Variants in RPS6KC1 observed in about 807,000 individuals in gnomAD.
RPS6KC1 encodes ribosomal protein S6 kinase C1.
Under a neutral mutation model 103.8 loss-of-function variants are expected in RPS6KC1, and 54 were observed. The observed-to-expected ratio is 0.52, with a 90% CI of 0.42 to 0.65. The LOEUF (loss-of-function observed/expected upper bound fraction) is 0.65. Ranked by LOEUF, RPS6KC1 falls within the 30% of genes least tolerant of loss-of-function variation. The pLI is 0.00. For missense variants in RPS6KC1, 1,151 were observed against 1,253.8 expected (o/e 0.92, Z 1.24); for synonymous variants, 439 against 438.7 (o/e 1.00, Z -0.01).
the RPS6KC1 span, among the ~76,000 whole-genome samples, chr1:213,740,600 C>G: frequency 6.6e-6 from 1 of 151,068 alleles, no homozygotes; most frequent in African/African-American, 2.4e-5. Context: ...TAAGGACAGC[C>G]TCATATATAT....
At chr1:213,848,235 C>A in the RPS6KC1 span, among the ~76,000 whole-genome samples, 1 of 152,128 alleles carries the variant, frequency 6.6e-6, no homozygotes, top group Non-Finnish European at 1.5e-5. Flanking sequence ...ATCACCACCA[C>A]AATCAAGATA....
At chr1:213,824,907 G>C in the RPS6KC1 span, among the ~76,000 whole-genome samples, 1 of 152,224 alleles carries the variant, frequency 6.6e-6, no homozygotes, top group Non-Finnish European at 1.5e-5. Flanking sequence ...AATCCTGGCA[G>C]TGGGACCAAC....
chr1:213,724,538 A>C, the RPS6KC1 span, among the ~76,000 whole-genome samples: 1 of 152,198 alleles, frequency 6.6e-6, no homozygotes, highest in Non-Finnish European at 1.5e-5. Flanking sequence ...GCCATGGTGG[A>C]GAAACACTCC....
the RPS6KC1 span, among the ~76,000 whole-genome samples, chr1:213,400,364 G>GTT: frequency 2.0e-5 from 3 of 152,148 alleles, no homozygotes; most frequent in African/African-American, 7.2e-5. Context: ...TCAATTTGTA[G>GTT]TTATATATAT....
chr1:213,506,241 A>T, the RPS6KC1 span, among the ~76,000 whole-genome samples: 4 of 152,218 alleles, frequency 2.6e-5, no homozygotes, highest in African/African-American at 7.2e-5. Context: ...ATTGGTAAGT[A>T]ACGAGATGAA....
chr1:213,758,237 C>T, the RPS6KC1 span, among the ~76,000 whole-genome samples: 1 of 152,118 alleles, frequency 6.6e-6, no homozygotes, highest in African/African-American at 2.4e-5. Flanking sequence ...ACAAAGTAAA[C>T]TGAAAATCCT....
At chr1:213,443,396 G>T in the RPS6KC1 span, among the ~76,000 whole-genome samples, 2 of 152,148 alleles carry the variant, frequency 1.3e-5, no homozygotes, top group African/African-American at 4.8e-5. Flanking sequence ...CCTTTGTAGG[G>T]TTGTACAGTG....
the RPS6KC1 span, among the ~76,000 whole-genome samples, chr1:213,513,927 GTGCATTGCCAAGTGCTGTCTCCA>G: frequency 6.6e-6 from 1 of 152,178 alleles, no homozygotes; most frequent in East Asian, 1.9e-4. Flanking sequence ...GAGTGCTCAC[GTGCATTGCCAAGTGCTGTCTCCA>G]TGTTGCTTGT....
chr1:213,573,591 A>G, the RPS6KC1 span, among the ~76,000 whole-genome samples: 11 of 152,184 alleles, frequency 7.2e-5, no homozygotes, highest in African/African-American at 2.7e-4. Flanking sequence ...ACTCTTTGCA[A>G]TGTCATTTAA....
At chr1:213,660,778 G>C in the RPS6KC1 span, among the ~76,000 whole-genome samples, 5 of 150,258 alleles carry the variant, frequency 3.3e-5, no homozygotes, top group Non-Finnish European at 5.9e-5. Context: ...TAGTTTTGCA[G>C]AAAAAGCACC....
chr1:213,186,192 CT>C (rs907663538), intron 8 of RPS6KC1, among the ~76,000 whole-genome samples: 42 of 140,492 alleles, frequency 3.0e-4, no homozygotes, highest in Admixed American at 5.0e-4. Context: ...AGTGTTTTTT[CT>C]TTTTTTTTTT....
At chr1:213,159,223 A>T (rs1176115647) in intron 6 of RPS6KC1, among the ~76,000 whole-genome samples, 1 of 152,168 alleles carries the variant, frequency 6.6e-6, no homozygotes, top group Non-Finnish European at 1.5e-5. Context: ...GAAGGAAGAA[A>T]GTCTGGACGA....
chr1:213,517,386 A>G, the RPS6KC1 span, among the ~76,000 whole-genome samples: 5 of 152,162 alleles, frequency 3.3e-5, no homozygotes, highest in Non-Finnish European at 5.9e-5. Context: ...ATTTCCCTCT[A>G]CACACTGCTT....
At chr1:213,806,353 T>C in the RPS6KC1 span, among the ~76,000 whole-genome samples, 1 of 151,610 alleles carries the variant, frequency 6.6e-6, no homozygotes, top group African/African-American at 2.4e-5. Flanking sequence ...ATAAATAAAA[T>C]AAAAAGAAAA....
chr1:213,537,381 G>A, the RPS6KC1 span, among the ~76,000 whole-genome samples: 1 of 152,132 alleles, frequency 6.6e-6, no homozygotes, highest in Non-Finnish European at 1.5e-5. Flanking sequence ...AAGGGGGTTG[G>A]ACTTGAGAGT....
Position 213,193,185 on chromosome 1 carries a change from G to A in RPS6KC1, c.1044+16693G>A, listed in dbSNP as rs1195200433. ...AATGTATTTTCTATAGCCATTGGAA[G>A]GAGTGTTCTGTAAATATCTGTTAGG... On this transcript the variant is annotated intron_variant, in intron 8 of 14. Transcript: ENST00000366960. Among the ~76,000 whole-genome samples the A allele has an allele frequency of 3.9e-5, 6 of 152,218 alleles. No individual in the cohort carries two copies. The East Asian group carries it at 9.6e-4, about 24-fold the overall frequency.
the RPS6KC1 span, among the ~76,000 whole-genome samples, chr1:213,437,110 A>G: frequency 6.6e-6 from 1 of 152,122 alleles, no homozygotes; most frequent in Non-Finnish European, 1.5e-5. Context: ...TCAGTATTGC[A>G]CTATGAAAGT....
the RPS6KC1 span, among the ~76,000 whole-genome samples, chr1:213,306,796 G>A: frequency 6.6e-6 from 1 of 152,218 alleles, no homozygotes; most frequent in Non-Finnish European, 1.5e-5. Flanking sequence ...AAAGCACTTA[G>A]TAGGTAGTAG....
chr1:213,743,955 G>A, the RPS6KC1 span, among the ~76,000 whole-genome samples: 7 of 152,094 alleles, frequency 4.6e-5, no homozygotes, highest in Admixed American at 1.3e-4. Flanking sequence ...GCCATAAAAG[G>A]GAACAAAATA....
Sources: allele counts gnomAD v4.1 joint callset (sites outside exome capture counted in the v4.1 genomes callset), GRCh38; gene constraint gnomAD v4.1.1; transcripts MANE v1.5; gene names NCBI Gene and HGNC (gene_info 2026-07-23, HGNC 2026-07-21).